Variants in IFIT3 observed in about 807,000 individuals in gnomAD.
IFIT3 encodes the protein interferon induced protein with tetratricopeptide repeats 3, also known as interferon-induced protein with tetratricopeptide repeats 3.
Under a neutral mutation model 2.4 loss-of-function variants are expected in IFIT3, and 2 were observed. The ratio of observed to expected loss-of-function variants is 0.82; its 90% CI spans 0.34 to 2.60. The LOEUF (loss-of-function observed/expected upper bound fraction) is 2.60, where lower values mean the gene tolerates loss of function less well. IFIT3 is among the 30% of genes most tolerant of loss of function. The pLI is 0.11. For missense variants in IFIT3, 481 were observed against 562.4 expected, an observed-to-expected ratio of 0.86 and a Z score of 1.46; for synonymous variants, 203 against 212.1, an observed-to-expected ratio of 0.96 and a Z score of 0.37.
chr10:89,330,572 G>T (rs1036595063), intron 1 of IFIT3, among the ~76,000 whole-genome samples: 1 of 152,216 alleles, frequency 6.6e-6, no homozygotes, highest in Non-Finnish European at 1.5e-5. Context: ...GGAGAAGGGT[G>T]AAAGTGGTTC....
At chr10:89,330,542 A>G (rs1479837038) in intron 1 of IFIT3, among the ~76,000 whole-genome samples, 1 of 152,242 alleles carries the variant, frequency 6.6e-6, no homozygotes, top group Non-Finnish European at 1.5e-5. Flanking sequence ...CCAAAGCCAC[A>G]AGAACTGAAC....
At chr10:89,337,285 A>T (rs1457512606) in intron 1 of IFIT3, among the ~76,000 whole-genome samples, 1 of 152,240 alleles carries the variant, frequency 6.6e-6, no homozygotes, top group Non-Finnish European at 1.5e-5. Context: ...TATCCATAAT[A>T]TCTAATAAAG....
intron 1 of IFIT3, among the ~76,000 whole-genome samples, chr10:89,334,166 C>T (rs1483056501): frequency 6.6e-6 from 1 of 152,216 alleles, no homozygotes; most frequent in Non-Finnish European, 1.5e-5. Flanking sequence ...ATAGCTTTGA[C>T]TGGGAAGGAG....
In IFIT3 at chr10:89,338,822, T is replaced by C; in HGVS notation, c.167T>C (p.Leu56Ser). Residue 56 changes from leucine (L) to serine (S), a missense_variant, in exon 2 of 2, where the codon TTG (leucine) becomes TCG (serine). Coordinates refer to ENST00000371818, the MANE Select transcript of IFIT3 (RefSeq NM_001549.6). ...NTEFKATMYN[L>S]LAYIKHLDGN... ...GAGTTCAAAGCTACAATGTACAACT[T>C]GTTGGCCTACATAAAACACCTAGAT... The C allele has an allele frequency of 6.2e-7, 1 of 1,614,144 alleles. No homozygotes were observed. The highest frequency in any genetic ancestry group is 8.5e-7 in the Non-Finnish European group (1 of 1,180,010).
Position 89,329,638 on chromosome 10 carries a change from T to C in IFIT3, c.5+1560T>C, listed in dbSNP as rs560176008. ...ACGTGCCAGCTGATGGGCATCCTCCTCTGCCCCATCCACTGAGGAACTCTG... is the reference window on the plus strand; with the variant it reads ...ACGTGCCAGCTGATGGGCATCCTCCCCTGCCCCATCCACTGAGGAACTCTG... On this transcript the variant is annotated intron_variant, in intron 1 of 1. Coordinates refer to ENST00000371818, the MANE Select transcript of IFIT3 (RefSeq NM_001549.6). Among the ~76,000 whole-genome samples, 117 of 151,132 alleles carry C rather than the reference T, an allele frequency of 7.7e-4. 1 individual carries two copies. The highest frequency in any genetic ancestry group is 2.8e-3 in the African/African-American group (114 of 40,414).
At chr10:89,334,537 C>T (rs1236518224) in intron 1 of IFIT3, among the ~76,000 whole-genome samples, 1 of 101,690 alleles carries the variant, frequency 9.8e-6, no homozygotes, top group Non-Finnish European at 1.8e-5. Context: ...GCTCTTTCGC[C>T]CAGGCTGGAG....
At chr10:89,334,473 TTA>T (rs1843699118) in intron 1 of IFIT3, among the ~76,000 whole-genome samples, 1 of 100,322 alleles carries the variant, frequency 1.0e-5, no homozygotes. Flanking sequence ...TCTTTTTCTT[TTA>T]TTCTTTTTTT....
chr10:89,339,318 T>A lies in IFIT3; in HGVS notation c.663T>A (p.Asn221Lys), dbSNP rs1268825008. The stretch of plus-strand genomic sequence containing the variant: ...TGGGCCTGAAACTGCAGAAGATGAA[T>A]AAAGAAGCTGAAGGAGAGCAGTTTG... ...VLLGLKLQKM[N>K]KEAEGEQFVE... Residue 221 changes from asparagine to lysine, a missense_variant, in exon 2 of 2, where the codon AAT becomes AAA. Coordinates refer to ENST00000371818, the MANE Select transcript of IFIT3 (RefSeq NM_001549.6). 1 of 1,613,684 alleles carries A rather than the reference T, an allele frequency of 6.2e-7. No individual in the cohort carries two copies. Among genetic ancestry groups the A allele is most frequent in the Non-Finnish European group, 8.5e-7 (1 of 1,179,874 alleles).
At chr10:89,335,409 GAT>G (rs1843719693) in intron 1 of IFIT3, 1 of 151,882 alleles carries the variant, frequency 6.6e-6, no homozygotes, top group Non-Finnish European at 1.5e-5. Flanking sequence ...TTGAGCAATT[GAT>G]ATCTTCTGAA....
At chr10:89,329,320 G>T (rs933694796) in intron 1 of IFIT3, among the ~76,000 whole-genome samples, 5 of 152,200 alleles carry the variant, frequency 3.3e-5, no homozygotes, top group African/African-American at 1.2e-4. Context: ...TATAGAATAA[G>T]TTCCTGGTCA....
At chr10:89,328,237 C>T (rs1301541098) in intron 1 of IFIT3, among the ~76,000 whole-genome samples, 159 bp downstream of exon 1, 1 of 152,052 alleles carries the variant, frequency 6.6e-6, no homozygotes, top group Admixed American at 6.6e-5. Flanking sequence ...GGGGTTTTTC[C>T]CTGTGGCTTT....
rs1843840071 is a variant in IFIT3, at chr10:89,340,170, G to A, written c.*42G>A. On this transcript the variant is annotated 3_prime_UTR_variant, in exon 2 of 2. Transcript: ENST00000371818. ...AGAGCATCAGAAGCCTGCAGTGGTG[G>A]TTGTGACGGGTAGGACGATAGGAAG... 14 of 1,529,048 alleles carry A rather than the reference G, an allele frequency of 9.2e-6. No homozygotes were observed. The highest frequency in any genetic ancestry group is 1.1e-5 in the Non-Finnish European group (13 of 1,140,736). 94.7% of individuals were successfully genotyped at this position (1,529,048 alleles called of 1,614,324 possible). A position where few individuals can be genotyped will look rare whatever the true frequency, so the allele number is the denominator to read the frequency against.
rs560557527 is a variant in IFIT3 at position 89,330,459 on chromosome 10, A to G, written c.5+2381A>G. Among the ~76,000 whole-genome samples the G allele has an allele frequency of 3.3e-5, 5 of 152,270 alleles. No individual in the cohort carries two copies. In the South Asian group the frequency reaches 1.0e-3, roughly 32 times the overall value. Reference sequence around the variant, plus strand: ...GCTTTCAACTATGCTCACTTTAGAGAGGGGGCCAGGGATGGGCTTCCTATC... The same window carrying G: ...GCTTTCAACTATGCTCACTTTAGAGGGGGGGCCAGGGATGGGCTTCCTATC... On this transcript the variant is annotated intron_variant, in intron 1 of 1. Transcript: ENST00000371818.
At chr10:89,337,993 T>G (rs1159113502) in intron 1 of IFIT3, among the ~76,000 whole-genome samples, 5 of 152,202 alleles carry the variant, frequency 3.3e-5, no homozygotes, top group Admixed American at 6.5e-5. Flanking sequence ...GGCTTTGTGT[T>G]AGGTGACTTT....
rs776897962 is a variant in IFIT3, at chr10:89,339,736, C to T, written c.1081C>T (p.His361Tyr). The change falls in exon 2 of 2, where the codon CAT becomes TAT. Residue 361 changes from histidine to tyrosine, a missense_variant. By Grantham distance (83) the His-to-Tyr change is moderately conservative (BLOSUM62 2). Transcript: ENST00000371818. ...CCCTGATGCTGAAAAGCAACAATCC[C>T]ATCAGCGCTACTGCAACCTTCAGAA... ...EVPDAEKQQS[H>Y]QRYCNLQKYN... The T allele has an allele frequency of 1.2e-6, 2 of 1,614,034 alleles. No homozygotes were observed. Among genetic ancestry groups the T allele is most frequent in the African/African-American group, 2.7e-5 (2 of 74,922 alleles).
chr10:89,336,797 C>T (rs1843748188), intron 1 of IFIT3, among the ~76,000 whole-genome samples: 1 of 152,058 alleles, frequency 6.6e-6, no homozygotes. Flanking sequence ...AAAATAAGGA[C>T]ACTTGGTTTA....
At chr10:89,335,992 A>G (rs911407663) in intron 1 of IFIT3, among the ~76,000 whole-genome samples, 2 of 152,154 alleles carry the variant, frequency 1.3e-5, no homozygotes, top group African/African-American at 4.8e-5. Context: ...GAAAACCCCT[A>G]GGGCCAGGTG....
rs1589604739 is a variant in IFIT3 at position 89,332,344 on chromosome 10, C to T, written c.5+4266C>T. 12 of 603,700 alleles carry T rather than the reference C, an allele frequency of 2.0e-5. No homozygotes were observed. The East Asian group carries it at 3.8e-4, about 19-fold the overall frequency. 37.4% of individuals were successfully genotyped at this position (603,700 alleles called of 1,614,324 possible). On this transcript the variant is annotated intron_variant, in intron 1 of 1. Coordinates refer to ENST00000371818, the MANE Select transcript of IFIT3 (RefSeq NM_001549.6). ...CTTCTAAAATTTTATTTTCTTTTTA[C>T]AGTGCCTTTTTACAACTTTCAAACC...
chr10:89,334,478 C>CTT lies in IFIT3; in HGVS notation c.6-4149_6-4148dup, dbSNP rs578154457. 3.4e-3 allele frequency among the ~76,000 whole-genome samples: 87 copies of CTT among 25,316 alleles called. 5 individuals carry two copies. Among genetic ancestry groups the CTT allele is most frequent in the Admixed American group, 6.2e-3 (11 of 1,766 alleles). The allele number at this position is 25,316 out of a possible 152,430, so 16.6% of individuals were successfully genotyped here. On this transcript the variant is annotated intron_variant, in intron 1 of 1. Transcript: ENST00000371818. Reference sequence around the variant, plus strand: ...TGTTTTTTCTTCTTTTTCTTTTATTCTTTTTTTTTTTTTTTTTTTTTTTTT... The same window carrying CTT: ...TGTTTTTTCTTCTTTTTCTTTTATTCTTTTTTTTTTTTTTTTTTTTTTTTTTT...
Sources: gnomAD v4.1 joint callset for allele counts (sites outside exome capture counted in the v4.1 genomes callset) on GRCh38, gnomAD v4.1.1 for gene constraint, MANE v1.5 for transcripts, NCBI Gene and HGNC (gene_info 2026-07-23, HGNC 2026-07-21) for gene names.